TRNT1: variants seen among roughly 807,000 people sequenced by gnomAD.
The protein encoded by TRNT1 is CCA tRNA nucleotidyltransferase 1, mitochondrial.
Under a neutral mutation model 45.6 loss-of-function variants are expected in TRNT1, and 44 were observed. That is an observed-to-expected ratio of 0.97 (90% CI 0.76 to 1.24). TRNT1 has a LOEUF of 1.24. Ranked by LOEUF, TRNT1 falls within the 50% of genes most tolerant of loss-of-function variation. TRNT1 has a pLI of 0.00. For missense variants in TRNT1, 633 were observed against 504.4 expected (o/e 1.25, Z -2.44); for synonymous variants, 201 against 171.4 (o/e 1.17, Z -1.35).
At chr3:3,136,695 C>T (rs1258229318) in intron 2 of TRNT1, 3 of 418,814 alleles carry the variant, frequency 7.2e-6, no homozygotes, top group Non-Finnish European at 1.4e-5. Context: ...TGCTCTGTCA[C>T]CCAGGCTGGA....
In TRNT1 at chr3:3,148,192, G is replaced by C; in HGVS notation, c.*38G>C. On this transcript the variant is annotated 3_prime_UTR_variant, in exon 8 of 8. Transcript: ENST00000251607. ...CTAAAAAGCAGAGCATTTCTGGTAA[G>C]ACTAAATTTTCTCCCCTCCCTCTTA... 1 of 1,594,940 alleles carries C rather than the reference G, an allele frequency of 6.3e-7. No individual in the cohort carries two copies. Among genetic ancestry groups the C allele is most frequent in the Non-Finnish European group, 8.5e-7 (1 of 1,172,216 alleles).
downstream of TRNT1, chr3:3,152,528 G>C: frequency 6.2e-7 from 1 of 1,613,682 alleles, no homozygotes; most frequent in Non-Finnish European, 8.5e-7. Flanking sequence ...CACAGTAAGT[G>C]TCTCATGCAC....
chr3:3,127,152 C>G (rs1442652761), intron 1 of TRNT1, 162 bp downstream of exon 1: 3 of 152,320 alleles, frequency 2.0e-5, no homozygotes, highest in Non-Finnish European at 4.4e-5. Context: ...ATAGCCCCGA[C>G]GCGGAGGTCG....
At chr3:3,143,664 T>C (rs1705802147) in intron 4 of TRNT1, among the ~76,000 whole-genome samples, 1 of 151,814 alleles carries the variant, frequency 6.6e-6, no homozygotes, top group African/African-American at 2.4e-5. Context: ...GATCACTTGA[T>C]GTCAGGAGTT....
At chr3:3,143,954 G>T (rs541165869) in intron 4 of TRNT1, among the ~76,000 whole-genome samples, 1 of 152,056 alleles carries the variant, frequency 6.6e-6, no homozygotes, top group African/African-American at 2.4e-5. Flanking sequence ...TTCTATTTAC[G>T]TGGCCTTTTT....
At position 3,140,577 on chromosome 3, in the gene TRNT1, A is replaced by C. The variant is rs1705583571; in HGVS notation, c.410A>C (p.Glu137Ala). The C allele has an allele frequency of 6.2e-7, 1 of 1,614,182 alleles. No individual in the cohort carries two copies. The highest frequency in any genetic ancestry group is 8.5e-7 in the Non-Finnish European group (1 of 1,180,002). The change falls in exon 4 of 8, where the codon GAG becomes GCG. Residue 137 changes from glutamate to alanine, a missense_variant. Coordinates refer to ENST00000251607, the MANE Select transcript of TRNT1 (RefSeq NM_182916.3). ...IDVTTDGRHAEVEFTTDWQKD... is the reference protein window; with the variant it reads ...IDVTTDGRHAAVEFTTDWQKD... ...GTCACCACTGATGGAAGACATGCTG[A>C]GGTAGAATTTACAACTGACTGGCAG... is the stretch of plus-strand genomic sequence containing the variant.
chr3:3,134,510 T>C (rs533786594), intron 2 of TRNT1, among the ~76,000 whole-genome samples: 10 of 152,268 alleles, frequency 6.6e-5, no homozygotes, highest in African/African-American at 1.7e-4. Context: ...TTTGAACTTA[T>C]CGTTTTATTT....
At chr3:3,142,382 A>C (rs147660571) in intron 4 of TRNT1, among the ~76,000 whole-genome samples, 53 of 152,326 alleles carry the variant, frequency 3.5e-4, no homozygotes, top group African/African-American at 9.9e-4. Context: ...ACTGCTATTT[A>C]ACCGATGGTA....
At position 3,148,385 on chromosome 3, in the gene TRNT1, C is replaced by G; in HGVS notation, c.*231C>G. The G allele has an allele frequency of 2.3e-6, 1 of 427,034 alleles. No homozygotes were observed. The highest frequency in any genetic ancestry group is 4.2e-5 in the East Asian group (1 of 23,922). 26.5% of individuals were successfully genotyped at this position (427,034 alleles called of 1,614,324 possible). On this transcript the variant is annotated 3_prime_UTR_variant, in exon 8 of 8. Coordinates refer to ENST00000251607, the MANE Select transcript of TRNT1 (RefSeq NM_182916.3). ...TACAGTTCTTTTGGAATAGTTTCAC[C>G]TGAGAAAACATAGTTGGCTATTATC...
rs747411943 is a variant in TRNT1 at position 3,147,724 on chromosome 3, G to A, written c.1056+21G>A. Reference sequence around the variant, plus strand: ...TAGATGTAAGTATATACTAGGCTTGGTCAGAAATATGAAGTATCGTCACGA... The same window carrying A: ...TAGATGTAAGTATATACTAGGCTTGATCAGAAATATGAAGTATCGTCACGA... On this transcript the variant is annotated intron_variant, in intron 7 of 7. Coordinates refer to ENST00000251607, the MANE Select transcript of TRNT1 (RefSeq NM_182916.3). The A allele has an allele frequency of 2.7e-5, 42 of 1,578,830 alleles. No individual in the cohort carries two copies. The Admixed American group carries it at 7.6e-4, about 29-fold the overall frequency.
chr3:3,144,625 G>T lies in TRNT1; in HGVS notation c.523G>T (p.Asp175Tyr). ...TLFDYFNGYE[D>Y]LKNKKVRFVG... ...ATTTGACTACTTTAATGGTTATGAA[G>T]ATTTAAAAAATAAGAAAGTTAGATT... is the stretch of plus-strand genomic sequence containing the variant. The change falls in exon 5 of 8, where the codon GAT becomes TAT. Residue 175 changes from aspartate to tyrosine, a missense_variant. Asp to Tyr is a radical substitution (Grantham distance 160). Coordinates refer to ENST00000251607, the MANE Select transcript of TRNT1 (RefSeq NM_182916.3). 6.3e-7 allele frequency: 1 copy of T among 1,585,640 alleles called. No individual in the cohort carries two copies. Among genetic ancestry groups the T allele is most frequent in the South Asian group, 1.1e-5 (1 of 89,142 alleles).
At position 3,129,082 on chromosome 3, in the gene TRNT1, C is replaced by T; in HGVS notation, c.42C>T (p.Asn14=). ...CLYHWHRPVL[N]RRWSRLCLPK... The stretch of plus-strand genomic sequence containing the variant: ...ATCATTGGCACAGGCCAGTGCTGAA[C>T]CGTAGGTGGAGTAGGCTGTGCCTTC... The change falls in exon 2 of 8, where the codon AAC becomes AAT. Residue 14 remains asparagine (N), a synonymous_variant. Coordinates refer to ENST00000251607, the MANE Select transcript of TRNT1 (RefSeq NM_182916.3). 3 of 1,613,784 alleles carry T rather than the reference C, an allele frequency of 1.9e-6. No individual in the cohort carries two copies. The highest frequency in any genetic ancestry group is 2.5e-6 in the Non-Finnish European group (3 of 1,179,700).
chr3:3,141,404 A>T (rs551320465), intron 4 of TRNT1, among the ~76,000 whole-genome samples: 1 of 152,160 alleles, frequency 6.6e-6, no homozygotes, highest in African/African-American at 2.4e-5. Context: ...TGTTTATTCA[A>T]TCTTTCTTCT....
intron 2 of TRNT1, among the ~76,000 whole-genome samples, chr3:3,130,999 T>C (rs1410097332): frequency 6.6e-6 from 1 of 151,736 alleles, no homozygotes. Flanking sequence ...GGAGGATCAC[T>C]GAAGCCTGGG....
In TRNT1 at chr3:3,144,667, C is replaced by A. The variant is rs1705873011; in HGVS notation, c.565C>A (p.Gln189Lys). The A allele has an allele frequency of 6.4e-7, 1 of 1,572,664 alleles. No individual in the cohort carries two copies. The highest frequency in any genetic ancestry group is 1.7e-4 in the Middle Eastern group (1 of 5,898). Residue 189 changes from glutamine (Q) to lysine (K), a missense_variant, in exon 5 of 8, where the codon CAG becomes AAG. Transcript: ENST00000251607. Reference protein sequence around the residue: ...KKVRFVGHAKQRIQEDYLRIL... With the variant: ...KKVRFVGHAKKRIQEDYLRIL... ...AGTTAGATTTGTTGGACATGCTAAA[C>A]AGAGAATACAAGAGGATTATCTTAG... is the stretch of plus-strand genomic sequence containing the variant.
intron 2 of TRNT1, chr3:3,131,354 A>G (rs1705007942): frequency 6.6e-6 from 1 of 152,198 alleles, no homozygotes; most frequent in Non-Finnish European, 1.5e-5. Context: ...TTAACTCTTG[A>G]TGGCCTAACT....
chr3:3,152,172 A>G (rs1706607042), downstream of TRNT1, among the ~76,000 whole-genome samples: 1 of 138,584 alleles, frequency 7.2e-6, no homozygotes, highest in Non-Finnish European at 1.6e-5. Context: ...TTTTAAATAG[A>G]CAGATTCTCA....
intron 5 of TRNT1, among the ~76,000 whole-genome samples, chr3:3,145,993 TAC>T (rs1372469025): frequency 2.0e-5 from 3 of 151,170 alleles, no homozygotes; most frequent in Admixed American, 1.3e-4. Flanking sequence ...TACTAATGTG[TAC>T]AGACAGGCAA....
chr3:3,150,838 A>AGAT (rs1559237966), downstream of TRNT1: 1 of 1,560,042 alleles, frequency 6.4e-7, no homozygotes, highest in East Asian at 2.2e-5. Context: ...CCAATTTGTT[A>AGAT]GATAACTTTA....
Sources: gnomAD v4.1 joint callset for allele counts (sites outside exome capture counted in the v4.1 genomes callset) on GRCh38, gnomAD v4.1.1 for gene constraint, MANE v1.5 for transcripts, NCBI Gene and HGNC (gene_info 2026-07-23, HGNC 2026-07-21) for gene names.